Variants in DLC1 observed in about 807,000 individuals in gnomAD.
DLC1 encodes DLC1 Rho GTPase activating protein.
Under a neutral mutation model 140.3 loss-of-function variants are expected in DLC1, and 54 were observed. That is an observed-to-expected ratio of 0.38 (90% CI 0.31 to 0.48). DLC1 has a LOEUF of 0.48. Among genes scored for constraint, DLC1 ranks in the 20% least tolerant of loss-of-function variants. The probability of loss-of-function intolerance (pLI) is 0.96; values close to 1 mark genes in which losing one functional copy is unlikely to be tolerated. For synonymous variants in DLC1, 986 were observed against 728.1 expected (o/e 1.35, Z -5.70); for missense variants, 2,536 against 1,907.0 (o/e 1.33, Z -6.14).
At chr8:13,126,843 T>C (rs1028580813) in intron 5 of DLC1, among the ~76,000 whole-genome samples, 2 of 152,192 alleles carry the variant, frequency 1.3e-5, no homozygotes, top group Admixed American at 6.5e-5. Flanking sequence ...AGTGTGCAAA[T>C]TGCAACACTG....
intron 5 of DLC1, among the ~76,000 whole-genome samples, chr8:13,271,884 C>T (rs1023400910): frequency 6.6e-6 from 1 of 152,158 alleles, no homozygotes; most frequent in African/African-American, 2.4e-5. Flanking sequence ...GCTCTGTTAC[C>T]CAGGCTGGTC....
chr8:13,085,908 G>A lies in DLC1; in HGVS notation c.4490C>T (p.Thr1497Ile), dbSNP rs375663152. 35 of 1,614,000 alleles carry A rather than the reference G, an allele frequency of 2.2e-5. No individual in the cohort carries two copies. Among genetic ancestry groups the A allele is most frequent in the Non-Finnish European group, 2.8e-5 (33 of 1,180,032 alleles). ...TGCACACAAATGTCCAAAAGATTTT[G>A]TGTACCATTCTGGCATGTGGCCCCT... is the stretch of plus-strand genomic sequence containing the variant. ...DLRGHMPEWY[T>I]KSFGHLCAAE... The change falls in exon 18 of 18, where the codon ACA becomes ATA. Residue 1497 changes from threonine (T) to isoleucine (I), a missense_variant. Physicochemically the swap from Thr to Ile is moderately conservative, Grantham distance 89. Transcript: ENST00000276297.
chr8:13,215,733 T>C (rs930618923), intron 5 of DLC1, among the ~76,000 whole-genome samples: 26 of 152,366 alleles, frequency 1.7e-4, no homozygotes, highest in African/African-American at 6.3e-4. Context: ...AATCCATATT[T>C]TCTTAAGATT....
intron 9 of DLC1, among the ~76,000 whole-genome samples, chr8:13,098,934 A>G (rs1818740614): frequency 6.6e-6 from 1 of 152,172 alleles, no homozygotes; most frequent in African/African-American, 2.4e-5. Context: ...TTTAATAGGT[A>G]GAAGCAACAT....
chr8:13,164,124 C>A (rs539619465), intron 5 of DLC1, among the ~76,000 whole-genome samples: 23 of 152,180 alleles, frequency 1.5e-4, no homozygotes, highest in Non-Finnish European at 2.9e-5. Flanking sequence ...TGATGAAACC[C>A]TGTCTCTACT....
At chr8:13,289,111 A>T (rs1354623491) in intron 5 of DLC1, among the ~76,000 whole-genome samples, 2 of 152,156 alleles carry the variant, frequency 1.3e-5, no homozygotes, top group Non-Finnish European at 2.9e-5. Flanking sequence ...TGCTCATGCC[A>T]TCTGGCTTCC....
chr8:13,405,340 T>G (rs1208928044), intron 2 of DLC1, among the ~76,000 whole-genome samples: 1 of 152,136 alleles, frequency 6.6e-6, no homozygotes, highest in Non-Finnish European at 1.5e-5. Flanking sequence ...GTTCCCATCT[T>G]TATGTCTTTG....
intron 5 of DLC1, among the ~76,000 whole-genome samples, chr8:13,277,559 C>G (rs916669966): frequency 6.6e-6 from 1 of 152,148 alleles, no homozygotes; most frequent in Non-Finnish European, 1.5e-5. Flanking sequence ...GTTCCAAGCA[C>G]TATGAAATCA....
intron 2 of DLC1, among the ~76,000 whole-genome samples, chr8:13,426,449 C>A (rs1838586543): frequency 6.6e-6 from 1 of 152,076 alleles, no homozygotes; most frequent in Non-Finnish European, 1.5e-5. Context: ...TGAATAGTTA[C>A]CTCTGTATTT....
chr8:13,227,975 C>T (rs1292045454), intron 5 of DLC1, among the ~76,000 whole-genome samples: 2 of 152,106 alleles, frequency 1.3e-5, no homozygotes, highest in African/African-American at 2.4e-5. Context: ...ATGTCTTTAT[C>T]ACCTGTCCCA....
chr8:13,227,795 T>A (rs562454707), intron 5 of DLC1, among the ~76,000 whole-genome samples: 1 of 152,330 alleles, frequency 6.6e-6, no homozygotes, highest in South Asian at 2.1e-4. Flanking sequence ...GTTTTACTTT[T>A]CATCTCACAT....
At chr8:13,578,673 T>A (rs1804933816) in intron 1 of DLC1, among the ~76,000 whole-genome samples, 1 of 152,174 alleles carries the variant, frequency 6.6e-6, no homozygotes, top group Admixed American at 6.5e-5. Context: ...GAAACACATT[T>A]GCTGGTTTAT....
intron 5 of DLC1, among the ~76,000 whole-genome samples, chr8:13,299,152 A>C (rs1360537025): frequency 4.6e-5 from 7 of 152,056 alleles, no homozygotes; most frequent in Non-Finnish European, 1.0e-4. Context: ...TTTGAAAAAA[A>C]AAAAATGTGG....
At chr8:13,190,781 A>G (rs1826705581) in intron 5 of DLC1, among the ~76,000 whole-genome samples, 1 of 152,134 alleles carries the variant, frequency 6.6e-6, no homozygotes. Context: ...ACAGGGGACA[A>G]GAACCAAGCA....
At chr8:13,358,217 A>T (rs1029579351) in intron 4 of DLC1, among the ~76,000 whole-genome samples, 1 of 152,242 alleles carries the variant, frequency 6.6e-6, no homozygotes, top group Admixed American at 6.5e-5. Flanking sequence ...ATTATATCAG[A>T]GCAAGCTTCT....
At chr8:13,250,758 AAAAG>A (rs1220188549) in intron 5 of DLC1, among the ~76,000 whole-genome samples, 2 of 152,010 alleles carry the variant, frequency 1.3e-5, no homozygotes, top group African/African-American at 4.8e-5. Flanking sequence ...TAATGAGAAA[AAAAG>A]AAAGAGAGAG....
At chr8:13,351,440 T>A (rs1381088560) in intron 4 of DLC1, among the ~76,000 whole-genome samples, 1 of 152,232 alleles carries the variant, frequency 6.6e-6, no homozygotes, top group Non-Finnish European at 1.5e-5. Flanking sequence ...GGATTGCAAA[T>A]ATGCCTTCAG....
intron 2 of DLC1, among the ~76,000 whole-genome samples, chr8:13,491,588 T>C (rs369180632): frequency 3.7e-4 from 56 of 152,354 alleles, no homozygotes; most frequent in African/African-American, 1.3e-3. Flanking sequence ...ATCTTCGGGA[T>C]AACATTTACT....
At chr8:13,413,432 C>A (rs1447091171) in intron 2 of DLC1, among the ~76,000 whole-genome samples, 2 of 151,716 alleles carry the variant, frequency 1.3e-5, no homozygotes, top group African/African-American at 4.8e-5. Context: ...CCTACACACA[C>A]ACATACACGA....
Sources: allele counts gnomAD v4.1 joint callset (sites outside exome capture counted in the v4.1 genomes callset), GRCh38; gene constraint gnomAD v4.1.1; transcripts MANE v1.5; gene names NCBI Gene and HGNC (gene_info 2026-07-23, HGNC 2026-07-21).